The following NUDC variants were observed in gnomAD, a reference collection of about 807,000 sequenced individuals.
NUDC encodes nuclear distribution C, dynein complex regulator, also known as nuclear migration protein nudC.
In NUDC, 14 loss-of-function variants were observed where a neutral mutation model predicts 45.0. The observed-to-expected ratio is 0.31, with a 90% CI of 0.21 to 0.49. The LOEUF (loss-of-function observed/expected upper bound fraction) is 0.49, where lower values mean the gene tolerates loss of function less well. Ranked by LOEUF, NUDC falls within the 20% of genes least tolerant of loss-of-function variation. The pLI is 0.99. For missense variants in NUDC, 323 were observed against 426.2 expected (o/e 0.76, Z 2.13); for synonymous variants, 153 against 156.7 (o/e 0.98, Z 0.17).
At chr1:26,919,853 A>G (rs1396373216), upstream of NUDC, among the ~76,000 whole-genome samples, 1 of 152,168 alleles carries the variant, frequency 6.6e-6, no homozygotes, top group Non-Finnish European at 1.5e-5. Context: ...TTGCTTTTGC[A>G]TGTTAAAAGA....
Position 26,925,269 on chromosome 1 carries a change from G to A in NUDC, c.159+1103G>A, listed in dbSNP as rs187967272. On this transcript the variant is annotated intron_variant, in intron 2 of 8. Transcript: ENST00000321265. ...GAAATAAATTTAGAAGGCCGGGCGC[G>A]GTGGCTCACGCCTGTAATCCCAGCA... is the stretch of plus-strand genomic sequence containing the variant. Among the ~76,000 whole-genome samples, 828 of 151,290 alleles carry A rather than the reference G, an allele frequency of 5.5e-3. 3 individuals carry two copies. The highest frequency in any genetic ancestry group is 9.4e-3 in the Non-Finnish European group (639 of 67,784).
At chr1:26,927,188 G>A (rs908646740) in intron 2 of NUDC, among the ~76,000 whole-genome samples, 1 of 144,368 alleles carries the variant, frequency 6.9e-6, no homozygotes, top group East Asian at 1.9e-4. Context: ...GAGATGAACC[G>A]TGTGTGTGTG....
At chr1:26,923,672 A>T (rs2082108996) in intron 1 of NUDC, among the ~76,000 whole-genome samples, 1 of 152,072 alleles carries the variant, frequency 6.6e-6, no homozygotes, top group South Asian at 2.1e-4. Flanking sequence ...GGGTTTCACC[A>T]TGTTGGCCAG....
chr1:26,944,669 G>C (rs959703904), intron 6 of NUDC, among the ~76,000 whole-genome samples: 6 of 152,134 alleles, frequency 3.9e-5, no homozygotes, highest in African/African-American at 1.4e-4. Context: ...GGGCATGGTG[G>C]TGGGCGCCTG....
At chr1:26,943,859 G>A (rs764440062) in intron 6 of NUDC, among the ~76,000 whole-genome samples, 1 of 152,086 alleles carries the variant, frequency 6.6e-6, no homozygotes, top group Admixed American at 6.5e-5. Flanking sequence ...CAGCCTGTCC[G>A]ACTGGCACTG....
At chr1:26,931,755 G>A (rs1403815545) in intron 2 of NUDC, among the ~76,000 whole-genome samples, 2 of 149,382 alleles carry the variant, frequency 1.3e-5, no homozygotes, top group South Asian at 4.3e-4. Flanking sequence ...CCAGCCTGGC[G>A]ACAGAACGAG....
intron 2 of NUDC, among the ~76,000 whole-genome samples, chr1:26,928,538 TAAATAA>T (rs2082152675): frequency 6.6e-6 from 1 of 152,146 alleles, no homozygotes; most frequent in African/African-American, 2.4e-5. Flanking sequence ...TAGGAACTCA[TAAATAA>T]AAATTAGCCA....
chr1:26,941,559 G>A lies in NUDC; in HGVS notation c.262G>A (p.Ala88Thr), dbSNP rs779019467. 3 of 1,611,440 alleles carry A rather than the reference G, an allele frequency of 1.9e-6. No homozygotes were observed. Among genetic ancestry groups the A allele is most frequent in the Non-Finnish European group, 1.7e-6 (2 of 1,179,094 alleles). ...CGAGCGGCGGGAGAAGGCGGAGCGGGCGGCCAGACTGGCCAAGGAAGCCAA... is the reference window on the plus strand; with the variant it reads ...CGAGCGGCGGGAGAAGGCGGAGCGGACGGCCAGACTGGCCAAGGAAGCCAA... Reference protein sequence around the residue: ...EAERREKAERAARLAKEAKSE... With the variant: ...EAERREKAERTARLAKEAKSE... The change falls in exon 3 of 9, where the codon GCG becomes ACG. Residue 88 changes from alanine to threonine, a missense_variant. This residue lies in a region of NUDC where 245 missense variants were observed against 278.8 expected (regional missense o/e 0.88). Transcript: ENST00000321265.
In NUDC at chr1:26,921,826, G is replaced by A; in HGVS notation, c.-23G>A. 1.3e-6 allele frequency: 2 copies of A among 1,549,218 alleles called. No individual in the cohort carries two copies. Among genetic ancestry groups the A allele is most frequent in the Non-Finnish European group, 8.7e-7 (1 of 1,146,242 alleles). ...CGCGGGACTAGAGTGCAGAGCTCCG[G>A]GACGTGGATCGGAGCCGGCGCGATG... On this transcript the variant is annotated 5_prime_UTR_variant, in exon 1 of 9. Transcript: ENST00000321265.
chr1:26,934,171 T>C (rs1429541544), intron 2 of NUDC, among the ~76,000 whole-genome samples: 1 of 151,670 alleles, frequency 6.6e-6, no homozygotes, highest in East Asian at 1.9e-4. Flanking sequence ...AAAAAAGAGG[T>C]TTAATTGACT....
chr1:26,911,959 C>A, intron 3 of NUDC: 1 of 1,614,162 alleles, frequency 6.2e-7, no homozygotes, highest in East Asian at 2.2e-5. Context: ...GGGTGGAGGC[C>A]GTGAGGAGGA....
intron 3 of NUDC, chr1:26,913,764 G>C (rs1281635896): frequency 2.7e-5 from 42 of 1,573,964 alleles, no homozygotes; most frequent in Non-Finnish European, 3.6e-5. Flanking sequence ...GAACATCCAA[G>C]GCCTCCCGGC....
intron 2 of NUDC, among the ~76,000 whole-genome samples, chr1:26,935,576 G>T (rs907449004): frequency 4.6e-5 from 7 of 151,998 alleles, no homozygotes; most frequent in African/African-American, 1.7e-4. Context: ...GCAGCATGGG[G>T]GTAGCCACCC....
At chr1:26,931,223 G>A (rs184223697) in intron 2 of NUDC, among the ~76,000 whole-genome samples, 3 of 147,940 alleles carry the variant, frequency 2.0e-5, no homozygotes, top group East Asian at 4.4e-4. Context: ...GATTACAGGC[G>A]TGTGCCACCA....
chr1:26,902,552 C>T (rs1160077074), intron 2 of NUDC, among the ~76,000 whole-genome samples: 1 of 152,100 alleles, frequency 6.6e-6, no homozygotes, highest in East Asian at 1.9e-4. Context: ...CCTTCTATTG[C>T]AATAGTTCCT....
At position 26,946,152 on chromosome 1, in the gene NUDC, A is replaced by G; in HGVS notation, c.967A>G (p.Met323Val). The G allele has an allele frequency of 6.2e-7, 1 of 1,613,834 alleles. No homozygotes were observed. Among genetic ancestry groups the G allele is most frequent in the Non-Finnish European group, 8.5e-7 (1 of 1,179,974 alleles). Residue 323 changes from methionine to valine, a missense_variant, in exon 9 of 9, where the codon ATG (methionine) becomes GTG (valine). Transcript: ENST00000321265. ...LKKFMDQHPEMDFSKAKFN is the reference protein window; with the variant it reads ...LKKFMDQHPEVDFSKAKFN ...CAGGTTCATGGATCAACATCCGGAGATGGATTTTTCCAAGGCTAAATTCAA... is the reference window on the plus strand; with the variant it reads ...CAGGTTCATGGATCAACATCCGGAGGTGGATTTTTCCAAGGCTAAATTCAA...
At chr1:26,905,065 G>C (rs2081996809) in intron 2 of NUDC, among the ~76,000 whole-genome samples, 1 of 150,770 alleles carries the variant, frequency 6.6e-6, no homozygotes, top group Non-Finnish European at 1.5e-5. Flanking sequence ...TCGAACTCCT[G>C]ACCCTTAGAT....
At chr1:26,915,054 C>CATATATATATAT (rs1476735799) in intron 3 of NUDC, among the ~76,000 whole-genome samples, 9 of 132,742 alleles carry the variant, frequency 6.8e-5, no homozygotes, top group Non-Finnish European at 1.5e-4. Context: ...CACATACATA[C>CATATATATATAT]ATACATATAT....
chr1:26,913,398 T>C, intron 3 of NUDC: 1 of 1,613,876 alleles, frequency 6.2e-7, no homozygotes, highest in Non-Finnish European at 8.5e-7. Context: ...CAGGAGTGTC[T>C]GGGAGCTCAC....
Sources: gnomAD v4.1 joint callset for allele counts (sites outside exome capture counted in the v4.1 genomes callset) on GRCh38, gnomAD v4.1.1 for gene constraint, gnomAD v4.1.1 regional missense constraint, MANE v1.5 for transcripts, NCBI Gene and HGNC (gene_info 2026-07-23, HGNC 2026-07-21) for gene names.